The following TENM3 variants were observed in gnomAD, a reference collection of about 807,000 sequenced individuals.
TENM3 encodes teneurin transmembrane protein 3, also known as teneurin-3.
In TENM3, 63 loss-of-function variants were observed where a neutral mutation model predicts 255.1. That is an observed-to-expected ratio of 0.25 (90% CI 0.20 to 0.30). The LOEUF (loss-of-function observed/expected upper bound fraction) is 0.30, where lower values mean the gene tolerates loss of function less well. Among genes scored for constraint, TENM3 ranks in the 10% least tolerant of loss-of-function variants. TENM3 has a pLI of 1.00. For missense variants in TENM3, 2,929 were observed against 3,461.1 expected (o/e 0.85, Z 3.86); for synonymous variants, 1,306 against 1,322.3 (o/e 0.99, Z 0.27).
the TENM3 span, among the ~76,000 whole-genome samples, chr4:182,017,325 G>A: frequency 6.6e-6 from 1 of 152,348 alleles, no homozygotes; most frequent in Admixed American, 6.5e-5. Flanking sequence ...TGGTTGAGAG[G>A]CTTGTTTTTT....
chr4:182,490,726 T>TTGGGTACACGTGGTACAAA (rs60482694), intron 3 of TENM3, among the ~76,000 whole-genome samples: 20 of 152,160 alleles, frequency 1.3e-4, no homozygotes, highest in African/African-American at 4.8e-4. Flanking sequence ...GATGGTACCT[T>TTGGGTACACGTGGTACAAA]ATGAAGGGAC....
chr4:181,727,733 TC>T, the TENM3 span, among the ~76,000 whole-genome samples: 1 of 152,210 alleles, frequency 6.6e-6, no homozygotes, highest in Non-Finnish European at 1.5e-5. Flanking sequence ...TTATTAAGCC[TC>T]CTTGAGACTT....
At chr4:181,921,503 A>G in the TENM3 span, among the ~76,000 whole-genome samples, 1 of 152,200 alleles carries the variant, frequency 6.6e-6, no homozygotes, top group African/African-American at 2.4e-5. Flanking sequence ...GCAATTGTGA[A>G]TGGGAGTTCC....
the TENM3 span, among the ~76,000 whole-genome samples, chr4:182,121,685 T>C: frequency 6.6e-6 from 1 of 152,220 alleles, no homozygotes; most frequent in Admixed American, 6.5e-5. Flanking sequence ...ATTCTAAAGA[T>C]CATTGGAGCC....
intron 3 of TENM3, among the ~76,000 whole-genome samples, chr4:182,475,705 G>A (rs751072557): frequency 6.6e-6 from 1 of 152,118 alleles, no homozygotes; most frequent in African/African-American, 2.4e-5. Flanking sequence ...GTAGTAGCAA[G>A]CTCACACTCG....
At chr4:181,634,649 G>C in the TENM3 span, among the ~76,000 whole-genome samples, 2 of 152,020 alleles carry the variant, frequency 1.3e-5, no homozygotes, top group Non-Finnish European at 2.9e-5. Flanking sequence ...TCAGATTAAT[G>C]TGCTAAAAGC....
the TENM3 span, among the ~76,000 whole-genome samples, chr4:181,459,910 C>G: frequency 6.6e-6 from 1 of 151,940 alleles, no homozygotes; most frequent in African/African-American, 2.4e-5. Flanking sequence ...AAAATTGACA[C>G]ATCAACGATA....
intron 10 of TENM3, among the ~76,000 whole-genome samples, chr4:182,681,123 A>G (rs1756139003): frequency 6.6e-6 from 1 of 152,182 alleles, no homozygotes; most frequent in Non-Finnish European, 1.5e-5. Context: ...ATGCTACCTA[A>G]AAGAAGTATG....
At chr4:181,575,752 T>C in the TENM3 span, among the ~76,000 whole-genome samples, 1 of 152,204 alleles carries the variant, frequency 6.6e-6, no homozygotes, top group African/African-American at 2.4e-5. Flanking sequence ...TCTTTAGAAT[T>C]TCAAAGTATG....
At chr4:181,507,716 C>T in the TENM3 span, among the ~76,000 whole-genome samples, 2 of 152,198 alleles carry the variant, frequency 1.3e-5, no homozygotes, top group Non-Finnish European at 2.9e-5. Flanking sequence ...AGCGGTGAAA[C>T]AGATGAGATG....
intron 1 of TENM3, among the ~76,000 whole-genome samples, chr4:182,226,328 T>C (rs1209108496): frequency 6.6e-6 from 1 of 151,808 alleles, no homozygotes; most frequent in Non-Finnish European, 1.5e-5. Flanking sequence ...CAGACAGGAG[T>C]CCAAGGGCAA....
At chr4:182,462,007 C>A (rs867839122) in intron 3 of TENM3, among the ~76,000 whole-genome samples, 70 of 151,882 alleles carry the variant, frequency 4.6e-4, no homozygotes, top group Admixed American at 1.4e-3. Context: ...CTTCTGAACT[C>A]TTCTTGCAAG....
chr4:181,931,175 G>C, the TENM3 span, among the ~76,000 whole-genome samples: 5 of 152,136 alleles, frequency 3.3e-5, no homozygotes, highest in Admixed American at 2.0e-4. Context: ...GGGCAATCAG[G>C]CAAGAGAAAG....
chr4:181,491,060 A>T, the TENM3 span, among the ~76,000 whole-genome samples: 1 of 152,170 alleles, frequency 6.6e-6, no homozygotes, highest in South Asian at 2.1e-4. Context: ...TAAGTTTTAA[A>T]AAATACCTTC....
At chr4:182,184,341 G>T (rs1163598250) in intron 1 of TENM3, among the ~76,000 whole-genome samples, 3 of 152,098 alleles carry the variant, frequency 2.0e-5, no homozygotes, top group Non-Finnish European at 4.4e-5. Context: ...TTTCTTTAAA[G>T]AGTTTTCAGT....
chr4:182,182,080 T>C (rs137930449), intron 1 of TENM3, among the ~76,000 whole-genome samples: 8 of 152,288 alleles, frequency 5.3e-5, no homozygotes, highest in Non-Finnish European at 1.2e-4. Flanking sequence ...TGGGGAATTG[T>C]TGCTGATGGA....
chr4:182,505,668 C>T (rs887655607), intron 3 of TENM3, among the ~76,000 whole-genome samples: 2 of 151,902 alleles, frequency 1.3e-5, no homozygotes, highest in Non-Finnish European at 1.5e-5. Flanking sequence ...TCAGTAGAGA[C>T]GGGGTTTCAC....
Position 182,408,075 on chromosome 4 carries a change from G to A in TENM3, c.511+61146G>A, listed in dbSNP as rs563744751. Among the ~76,000 whole-genome samples the A allele has an allele frequency of 2.6e-5, 4 of 152,246 alleles. No individual in the cohort carries two copies. The East Asian group carries it at 5.8e-4, about 22-fold the overall frequency. On this transcript the variant is annotated intron_variant, in intron 3 of 27. Transcript: ENST00000511685. ...ACTTACTCTTACTACAAGCCATCCA[G>A]AAGTAAAATCACAAACTCTTCATGG... is the stretch of plus-strand genomic sequence containing the variant.
intron 1 of TENM3, among the ~76,000 whole-genome samples, chr4:182,272,033 A>T (rs1759667779): frequency 6.6e-6 from 1 of 152,236 alleles, no homozygotes; most frequent in South Asian, 2.1e-4. Context: ...AGCTCTCAAC[A>T]GAGATATAAA....
Sources: allele counts gnomAD v4.1 joint callset (sites outside exome capture counted in the v4.1 genomes callset), GRCh38; gene constraint gnomAD v4.1.1; transcripts MANE v1.5; gene names NCBI Gene and HGNC (gene_info 2026-07-23, HGNC 2026-07-21).